Variants in ZFHX4 observed in about 807,000 individuals in gnomAD.
ZFHX4 encodes the protein zinc finger homeobox 4, also known as zinc finger homeobox protein 4.
A neutral mutation model predicts 267.6 loss-of-function variants in ZFHX4; 56 were observed. That is an observed-to-expected ratio of 0.21 (90% CI 0.17 to 0.26). ZFHX4 has a LOEUF of 0.26. ZFHX4 is among the 10% of genes least tolerant of loss of function. The pLI is 1.00. For synonymous variants in ZFHX4, 1,778 were observed against 1,665.6 expected, an observed-to-expected ratio of 1.07 and a Z score of -1.64; for missense variants, 4,332 against 4,420.0, an observed-to-expected ratio of 0.98 and a Z score of 0.56.
At chr8:76,694,617 C>T (rs763222067) in intron 1 of ZFHX4, among the ~76,000 whole-genome samples, 2 of 151,712 alleles carry the variant, frequency 1.3e-5, no homozygotes, top group South Asian at 4.2e-4. Flanking sequence ...ATCCCCAGAG[C>T]ATCATTTAGT....
intron 3 of ZFHX4, among the ~76,000 whole-genome samples, chr8:76,745,505 A>G (rs138278726): frequency 2.6e-4 from 39 of 152,178 alleles, no homozygotes; most frequent in African/African-American, 9.1e-4. Context: ...TTCTTTTTCA[A>G]GAACCTAAAG....
intron 4 of ZFHX4, among the ~76,000 whole-genome samples, chr8:76,779,978 A>G (rs1810505991): frequency 1.3e-5 from 2 of 152,142 alleles, no homozygotes; most frequent in Non-Finnish European, 2.9e-5. Flanking sequence ...TATGATGTGA[A>G]CATAATTTAA....
At position 76,705,205 on chromosome 8, in the gene ZFHX4, G is replaced by A. The variant is rs1291374210; in HGVS notation, c.1117G>A (p.Asp373Asn). 7 of 1,613,864 alleles carry A rather than the reference G, an allele frequency of 4.3e-6. No individual in the cohort carries two copies. The Admixed American group carries it at 1.2e-4, about 27-fold the overall frequency. The change falls in exon 2 of 11, where the codon GAC (aspartate) becomes AAC (asparagine). Residue 373 changes from aspartate to asparagine, a missense_variant. By Grantham distance (23) the Asp-to-Asn change is conservative. Around this residue, in one of 7 missense-constraint regions of ZFHX4, gnomAD observed 1,195 missense variants for 1,173.6 expected, o/e 1.02. Coordinates refer to ENST00000651372, the MANE Select transcript of ZFHX4 (RefSeq NM_024721.5). ...LWSAFHVENG[D>N]SLPAGFAFLK... ...GAGCGCTTTTCATGTTGAAAATGGT[G>A]ACTCTTTGCCGGCTGGCTTTGCCTT...
chr8:76,793,578 T>C (rs1188194157), intron 4 of ZFHX4, among the ~76,000 whole-genome samples: 1 of 152,218 alleles, frequency 6.6e-6, no homozygotes, highest in Non-Finnish European at 1.5e-5. Context: ...TTTGGGGATG[T>C]ATATTGGCTA....
chr8:76,863,797 C>G lies in ZFHX4; in HGVS notation c.10083C>G (p.Asn3361Lys), dbSNP rs140816473. ...KVESDQPQNS[N>K]DASETKEDKS... is the part of the protein sequence containing the mutation. ...AAAGTGACCAGCCGCAAAACTCCAA[C>G]GATGCTTCAGAAACAAAGGAAGACA... Residue 3361 changes from asparagine to lysine, a missense_variant, in exon 11 of 11, where the codon AAC becomes AAG. By Grantham distance (94) the Asn-to-Lys change is moderately conservative. Transcript: ENST00000651372. The G allele has an allele frequency of 6.4e-7, 1 of 1,552,280 alleles. No individual in the cohort carries two copies. The highest frequency in any genetic ancestry group is 2.0e-5 in the Admixed American group (1 of 51,020).
In ZFHX4 at chr8:76,705,831, C is replaced by G. The variant is rs534669242; in HGVS notation, c.1743C>G (p.Asp581Glu). 4 of 1,613,858 alleles carry G rather than the reference C, an allele frequency of 2.5e-6. No individual in the cohort carries two copies. The South Asian group carries it at 3.3e-5, about 13-fold the overall frequency. ...AAHPSEIARG[D>E]EDSSATPHQH... ...ATCCAAGTGAAATAGCCCGGGGAGA[C>G]GAAGACAGTTCAGCCACTCCTCACC... Residue 581 changes from aspartate to glutamate, a missense_variant, in exon 2 of 11, where the codon GAC (aspartate) becomes GAG (glutamate). Physicochemically the swap from Asp to Glu is conservative, Grantham distance 45. Transcript: ENST00000651372.
intron 4 of ZFHX4, among the ~76,000 whole-genome samples, chr8:76,817,646 G>T (rs1811541123): frequency 6.6e-6 from 1 of 152,222 alleles, no homozygotes; most frequent in African/African-American, 2.4e-5. Flanking sequence ...GGAAAACAGT[G>T]CAGGGTAACT....
chr8:76,740,493 G>C (rs1809286436), intron 3 of ZFHX4, among the ~76,000 whole-genome samples: 1 of 151,230 alleles, frequency 6.6e-6, no homozygotes, highest in African/African-American at 2.4e-5. Flanking sequence ...AAACCTACTG[G>C]GGAAAAAAAA....
At chr8:76,831,407 G>A (rs1443697646) in intron 4 of ZFHX4, among the ~76,000 whole-genome samples, 1 of 152,076 alleles carries the variant, frequency 6.6e-6, no homozygotes, top group African/African-American at 2.4e-5. Context: ...GAGAGAGAGA[G>A]AGCAGGGAGT....
intron 3 of ZFHX4, among the ~76,000 whole-genome samples, chr8:76,715,985 G>C (rs1808560948): frequency 1.3e-5 from 2 of 152,144 alleles, no homozygotes; most frequent in African/African-American, 4.8e-5. Flanking sequence ...GAAAGGTTAT[G>C]ATTGAAGAAC....
chr8:76,803,273 T>C (rs920130800), intron 4 of ZFHX4, among the ~76,000 whole-genome samples: 2 of 152,024 alleles, frequency 1.3e-5, no homozygotes, highest in African/African-American at 2.4e-5. Context: ...CGTGTGTGTG[T>C]GTGTGTGTGT....
At chr8:76,820,880 A>G (rs944386807) in intron 4 of ZFHX4, among the ~76,000 whole-genome samples, 1 of 152,214 alleles carries the variant, frequency 6.6e-6, no homozygotes, top group Non-Finnish European at 1.5e-5. Context: ...TGTGTATCAC[A>G]AACAGGCAAT....
chr8:76,781,667 T>A (rs1421068709), intron 4 of ZFHX4, among the ~76,000 whole-genome samples: 2 of 152,086 alleles, frequency 1.3e-5, no homozygotes, highest in South Asian at 2.1e-4. Context: ...TGGCATCAAG[T>A]GTAAGCAAAT....
At chr8:76,833,639 C>T (rs1811997070) in intron 5 of ZFHX4, 1 of 429,328 alleles carries the variant, frequency 2.3e-6, no homozygotes, top group Admixed American at 3.7e-5. Context: ...TCCCCAATAC[C>T]CTCTCCCCTG....
At chr8:76,780,926 G>A (rs1054710351) in intron 4 of ZFHX4, among the ~76,000 whole-genome samples, 1 of 151,990 alleles carries the variant, frequency 6.6e-6, no homozygotes, top group Non-Finnish European at 1.5e-5. Flanking sequence ...TCTTTAGTTG[G>A]ATTGACTTTG....
Position 76,851,846 on chromosome 8 carries a change from TCAA to T in ZFHX4, c.4928_4930del (p.Asn1643del). ...GGTGGGCACAGCATTGCAGCAAATGTCAACAGCCCTGGCCAGGGGATGTTAGAT... is the reference window on the plus strand; with the variant it reads ...GGTGGGCACAGCATTGCAGCAAATGTCAGCCCTGGCCAGGGGATGTTAGAT... On this transcript the variant is annotated inframe_deletion, in exon 10 of 11. Coordinates refer to ENST00000651372, the MANE Select transcript of ZFHX4 (RefSeq NM_024721.5). 2 of 1,613,932 alleles carry T rather than the reference TCAA, an allele frequency of 1.2e-6. No individual in the cohort carries two copies. The highest frequency in any genetic ancestry group is 1.7e-6 in the Non-Finnish European group (2 of 1,179,862).
At chr8:76,691,121 A>C (rs771049892) in intron 1 of ZFHX4, among the ~76,000 whole-genome samples, 10 of 152,080 alleles carry the variant, frequency 6.6e-5, no homozygotes, top group Non-Finnish European at 1.3e-4. Flanking sequence ...TTGTTGAATG[A>C]ATGAATATGA....
chr8:76,707,841 C>T lies in ZFHX4; in HGVS notation c.2886C>T (p.Cys962=). ...TCAAAGCCAACTTCCAGCTACACTG[C>T]AAGACTGATAAACATATGCAGAAAT... is the stretch of plus-strand genomic sequence containing the variant. The part of the protein sequence containing the change: ...TQLKANFQLH[C]KTDKHMQKYQ... The change falls in exon 3 of 11, where the codon TGC becomes TGT. Residue 962 remains cysteine, a synonymous_variant. Transcript: ENST00000651372. 1 of 1,614,128 alleles carries T rather than the reference C, an allele frequency of 6.2e-7. No homozygotes were observed. Among genetic ancestry groups the T allele is most frequent in the Non-Finnish European group, 8.5e-7 (1 of 1,180,002 alleles).
At chr8:76,792,125 GGCCAGA>G (rs1810854372) in intron 4 of ZFHX4, among the ~76,000 whole-genome samples, 1 of 152,052 alleles carries the variant, frequency 6.6e-6, no homozygotes, top group Admixed American at 6.6e-5. Flanking sequence ...AATGCTATAT[GGCCAGA>G]GCCCTGGGCC....
Sources: allele counts gnomAD v4.1 joint callset (sites outside exome capture counted in the v4.1 genomes callset), GRCh38; gene constraint gnomAD v4.1.1; regional missense constraint gnomAD v4.1.1; transcripts MANE v1.5; gene names NCBI Gene and HGNC (gene_info 2026-07-23, HGNC 2026-07-21).